Variants in TEX29 observed in about 807,000 individuals in gnomAD.
The protein encoded by TEX29 is testis-expressed protein 29.
A neutral mutation model predicts 18.2 loss-of-function variants in TEX29; 26 were observed. The ratio of observed to expected loss-of-function variants is 1.43; its 90% CI spans 1.04 to 1.98. The LOEUF is 1.98. TEX29 is among the 30% of genes most tolerant of loss of function. The pLI, the probability that TEX29 is intolerant of heterozygous loss-of-function variation, is 0.00. For synonymous variants in TEX29, 83 were observed against 78.5 expected (o/e 1.06, Z -0.31); for missense variants, 177 against 194.2 (o/e 0.91, Z 0.53).
At chr13:111,327,037 C>A (rs1314550063) in intron 2 of TEX29, among the ~76,000 whole-genome samples, 2 of 152,166 alleles carry the variant, frequency 1.3e-5, no homozygotes, top group African/African-American at 4.8e-5. Flanking sequence ...TACCTGCCTG[C>A]TGCTATGGGG....
intron 2 of TEX29, among the ~76,000 whole-genome samples, chr13:111,322,895 G>A (rs762335582): frequency 3.3e-5 from 5 of 152,114 alleles, no homozygotes; most frequent in African/African-American, 4.8e-5. Context: ...TGGCCTCAGC[G>A]GGCAGGTGGG....
intron 2 of TEX29, among the ~76,000 whole-genome samples, chr13:111,323,762 G>A (rs569865702): frequency 2.6e-5 from 4 of 152,014 alleles, no homozygotes; most frequent in Non-Finnish European, 5.9e-5. Flanking sequence ...ATCCCCATCC[G>A]TGGTTCACAC....
rs74929503 is a variant in TEX29 at position 111,330,853 on chromosome 13, C to T, written c.169+2560C>T. On this transcript the variant is annotated intron_variant, in intron 3 of 5. Transcript: ENST00000283547. ...TTTCACTCACGTAGTTCTCAAGGTT[C>T]GTTCGTGTTGTAGTAGCTATCAGTA... Among the ~76,000 whole-genome samples, 517 of 152,270 alleles carry T rather than the reference C, an allele frequency of 3.4e-3. 1 individual carries two copies. The highest frequency in any genetic ancestry group is 0.012 in the African/African-American group (478 of 41,554).
At chr13:111,318,932 A>G (rs902609432), upstream of TEX29, among the ~76,000 whole-genome samples, 19 of 152,166 alleles carry the variant, frequency 1.2e-4, no homozygotes, top group Non-Finnish European at 2.5e-4. Context: ...GAAGTTCTAG[A>G]TGGAGGTGTG....
intron 5 of TEX29, 150 bp downstream of exon 5, chr13:111,343,081 C>A: frequency 1.0e-6 from 1 of 978,762 alleles, no homozygotes; most frequent in South Asian, 2.1e-5. Context: ...TGTAATGTAC[C>A]CAACATTGGA....
intron 3 of TEX29, among the ~76,000 whole-genome samples, chr13:111,331,823 C>A (rs1014585135): frequency 6.6e-6 from 1 of 152,088 alleles, no homozygotes. Flanking sequence ...TTCTTTTTCC[C>A]TGATTAAGTT....
chr13:111,322,287 TGGG>T (rs146638417), intron 2 of TEX29, among the ~76,000 whole-genome samples: 15,122 of 152,234 alleles, frequency 0.099, 944 homozygotes, highest in South Asian at 0.15. Context: ...GGCCTGCGCC[TGGG>T]GCCCCGAGGG....
intron 3 of TEX29, among the ~76,000 whole-genome samples, chr13:111,335,039 C>A (rs2093687680): frequency 6.6e-6 from 1 of 152,226 alleles, no homozygotes; most frequent in South Asian, 2.1e-4. Context: ...CTCAAACAAA[C>A]AGATTTCTGC....
chr13:111,322,272 T>C (rs2093666002), intron 2 of TEX29, among the ~76,000 whole-genome samples: 1 of 150,614 alleles, frequency 6.6e-6, no homozygotes, highest in Middle Eastern at 3.2e-3. Flanking sequence ...CAGGGTGGAG[T>C]GGGAGGCCTG....
chr13:111,344,162 C>G lies in TEX29; in HGVS notation c.*39C>G. On this transcript the variant is annotated 3_prime_UTR_variant, in exon 6 of 6. Transcript: ENST00000283547. ...AGAAGTGGAGATTGTCAGAATTATC[C>G]AAATGAAATGGTACAGCAGGTGCAC... The G allele has an allele frequency of 1.9e-6, 3 of 1,567,826 alleles. No individual in the cohort carries two copies. Among genetic ancestry groups the G allele is most frequent in the Non-Finnish European group, 2.6e-6 (3 of 1,138,652 alleles).
chr13:111,328,789 G>A (rs963290647), intron 3 of TEX29, among the ~76,000 whole-genome samples: 2 of 152,308 alleles, frequency 1.3e-5, no homozygotes, highest in Admixed American at 1.3e-4. Flanking sequence ...CAGACCAGAC[G>A]TGAGGATCTG....
Position 111,342,895 on chromosome 13 carries a change from G to A in TEX29, c.379G>A (p.Gly127Arg). ...KPASPGPPSA[G>R]PSMKSDEDKD... ...TGCGAGTCCTGGGCCTCCAAGTGCTGGGCCCTCGATGAAGAGTGACGAGGA... is the reference window on the plus strand; with the variant it reads ...TGCGAGTCCTGGGCCTCCAAGTGCTAGGCCCTCGATGAAGAGTGACGAGGA... The change falls in exon 5 of 6, where the codon GGG becomes AGG. Residue 127 changes from glycine to arginine, a missense_variant. Transcript: ENST00000283547. 6.2e-7 allele frequency: 1 copy of A among 1,614,182 alleles called. No individual in the cohort carries two copies. The highest frequency in any genetic ancestry group is 1.3e-5 in the African/African-American group (1 of 75,044).
rs756438978 is a variant in TEX29, at chr13:111,320,820, C to CA, written c.-34-36dup. 3 of 1,603,624 alleles carry CA rather than the reference C, an allele frequency of 1.9e-6. No individual in the cohort carries two copies. In the African/African-American group the frequency reaches 4.0e-5, roughly 21 times the overall value. On this transcript the variant is annotated intron_variant, in intron 1 of 5. Transcript: ENST00000283547. ...CCGCCCGCTCCCCAAACGACGTCCC[C>CA]AGGGCCCCGCCCGTGCTGACCTCTC...
At chr13:111,339,155 A>C (rs1416482826) in intron 3 of TEX29, 2 of 426,876 alleles carry the variant, frequency 4.7e-6, no homozygotes, top group Admixed American at 2.4e-5. Context: ...CCTCGTGGCC[A>C]CCTGGGGAGG....
intron 3 of TEX29, among the ~76,000 whole-genome samples, chr13:111,336,048 C>T (rs2093689249): frequency 6.6e-6 from 1 of 152,214 alleles, no homozygotes; most frequent in Non-Finnish European, 1.5e-5. Context: ...AGCTTCATGA[C>T]TGGTGTTATA....
chr13:111,317,148 A>G (rs2093655898), upstream of TEX29, among the ~76,000 whole-genome samples: 1 of 152,054 alleles, frequency 6.6e-6, no homozygotes, highest in South Asian at 2.1e-4. Context: ...TTATTCGTAA[A>G]GAAAGGTGGC....
chr13:111,343,019 A>G, intron 5 of TEX29, 88 bp downstream of exon 5: 1 of 1,471,050 alleles, frequency 6.8e-7, no homozygotes. Flanking sequence ...GGGGCTCAAC[A>G]TCTACACAGG....
intron 3 of TEX29, among the ~76,000 whole-genome samples, chr13:111,329,059 C>A (rs1316009900): frequency 1.3e-5 from 2 of 152,226 alleles, no homozygotes; most frequent in African/African-American, 4.8e-5. Flanking sequence ...CACTGGCCTG[C>A]GCCGCTGAGG....
chr13:111,333,222 A>G (rs555435472), intron 3 of TEX29, among the ~76,000 whole-genome samples: 2 of 152,236 alleles, frequency 1.3e-5, no homozygotes, highest in African/African-American at 2.4e-5. Flanking sequence ...TATCCTACTC[A>G]GAGTTCACTG....
Sources: allele counts gnomAD v4.1 joint callset (sites outside exome capture counted in the v4.1 genomes callset), GRCh38; gene constraint gnomAD v4.1.1; transcripts MANE v1.5; gene names NCBI Gene and HGNC (gene_info 2026-07-23, HGNC 2026-07-21).